Variants in ARID1B observed in about 807,000 individuals in gnomAD.
ARID1B encodes the protein AT-rich interaction domain 1B.
A neutral mutation model predicts 212.3 loss-of-function variants in ARID1B; 30 were observed. That is an observed-to-expected ratio of 0.14 (90% CI 0.11 to 0.19). ARID1B has a LOEUF of 0.19. Ranked by LOEUF, ARID1B falls within the 10% of genes least tolerant of loss-of-function variation. The probability of loss-of-function intolerance (pLI) is 1.00; values close to 1 mark genes in which losing one functional copy is unlikely to be tolerated. For missense variants in ARID1B, 2,891 were observed against 3,204.0 expected (o/e 0.90, Z 2.36); for synonymous variants, 1,402 against 1,301.7 (o/e 1.08, Z -1.66).
intron 3 of ARID1B, among the ~76,000 whole-genome samples, chr6:156,933,551 T>G (rs1791926069): frequency 6.6e-6 from 1 of 152,200 alleles, no homozygotes; most frequent in South Asian, 2.1e-4. Flanking sequence ...CAGCCTTTGC[T>G]TTTGTGCCCC....
intron 1 of ARID1B, among the ~76,000 whole-genome samples, chr6:156,800,627 C>T (rs1264652023): frequency 2.0e-5 from 3 of 152,032 alleles, no homozygotes; most frequent in African/African-American, 7.2e-5. Flanking sequence ...TAAAATTAGG[C>T]TGGGCATGGT....
At chr6:156,840,526 G>A (rs1222757300) in intron 2 of ARID1B, among the ~76,000 whole-genome samples, 1 of 152,198 alleles carries the variant, frequency 6.6e-6, no homozygotes, top group Non-Finnish European at 1.5e-5. Context: ...TCTGGCCAGT[G>A]AAATCTGTCC....
intron 2 of ARID1B, among the ~76,000 whole-genome samples, chr6:156,887,295 T>C (rs1787591630): frequency 6.6e-6 from 1 of 152,158 alleles, no homozygotes; most frequent in South Asian, 2.1e-4. Flanking sequence ...GTTCATGGAT[T>C]CTGCAGTTGA....
chr6:157,164,977 G>A (rs1562316311), intron 8 of ARID1B, among the ~76,000 whole-genome samples: 1 of 152,188 alleles, frequency 6.6e-6, no homozygotes, highest in Non-Finnish European at 1.5e-5. Context: ...CTAAGACACT[G>A]AGAGCAGTCC....
chr6:156,825,683 C>T (rs1782691981), intron 1 of ARID1B, among the ~76,000 whole-genome samples: 1 of 152,194 alleles, frequency 6.6e-6, no homozygotes, highest in Non-Finnish European at 1.5e-5. Flanking sequence ...TAGACGTTTC[C>T]TGTGCCCTGG....
chr6:157,070,866 T>G (rs1028191799), intron 4 of ARID1B, among the ~76,000 whole-genome samples: 1 of 152,168 alleles, frequency 6.6e-6, no homozygotes, highest in African/African-American at 2.4e-5. Context: ...AAGGCAATCC[T>G]GCTGGGTTTA....
chr6:156,814,936 G>A (rs1781858557), intron 1 of ARID1B, among the ~76,000 whole-genome samples: 1 of 151,992 alleles, frequency 6.6e-6, no homozygotes, highest in African/African-American at 2.4e-5. Context: ...TTTAGGTGAA[G>A]ACCCATCAAT....
intron 1 of ARID1B, among the ~76,000 whole-genome samples, chr6:156,813,689 A>G (rs931448909): frequency 6.6e-6 from 1 of 152,184 alleles, no homozygotes; most frequent in Non-Finnish European, 1.5e-5. Context: ...AATTTGTCGA[A>G]CCCTGTTCTC....
intron 16 of ARID1B, 87 bp from the exon 17 acceptor site, chr6:157,198,724 A>T: frequency 8.8e-7 from 1 of 1,138,638 alleles, no homozygotes; most frequent in Non-Finnish European, 1.3e-6. Flanking sequence ...TGCTTGAGGG[A>T]GTCAGGGTTC....
chr6:157,201,558 A>T lies in ARID1B; in HGVS notation c.5263+70A>T. On this transcript the variant is annotated intron_variant, in intron 18 of 19. Coordinates refer to ENST00000636930, the MANE Select transcript of ARID1B (RefSeq NM_001374828.1). The surrounding 1 kb of genome is among the most constrained non-coding windows in gnomAD (Gnocchi z 5.2). ...GTGTAGAATTTTAATTTTAGTAAAG[A>T]TGCTGTTCCTGCTCATCTTAAAGGG... The T allele has an allele frequency of 6.9e-7, 1 of 1,453,468 alleles. No homozygotes were observed. The highest frequency in any genetic ancestry group is 9.1e-7 in the Non-Finnish European group (1 of 1,094,910). The allele number at this position is 1,453,468 out of a possible 1,614,324, so 90.0% of individuals were successfully genotyped here. A position where few individuals can be genotyped will look rare whatever the true frequency, so the allele number is the denominator to read the frequency against.
chr6:156,843,532 A>T (rs1160162955), intron 2 of ARID1B, among the ~76,000 whole-genome samples: 1 of 152,044 alleles, frequency 6.6e-6, no homozygotes, highest in East Asian at 1.9e-4. Flanking sequence ...ACAGGTAGGG[A>T]TGTTTACCCT....
At chr6:156,852,713 A>G (rs1287271065) in intron 2 of ARID1B, among the ~76,000 whole-genome samples, 1 of 152,172 alleles carries the variant, frequency 6.6e-6, no homozygotes, top group Non-Finnish European at 1.5e-5. Flanking sequence ...TTAATAGCTA[A>G]TGACTTGTAT....
At chr6:156,809,713 GAAAAAAA>G (rs370188789) in intron 1 of ARID1B, among the ~76,000 whole-genome samples, 3 of 104,462 alleles carry the variant, frequency 2.9e-5, no homozygotes, top group Admixed American at 2.1e-4. Context: ...CTTTTTCAAA[GAAAAAAA>G]AAAAAAAAAA....
chr6:156,778,040 C>T lies in ARID1B; in HGVS notation c.360C>T (p.Ser120=), dbSNP rs1331150776. The T allele has an allele frequency of 6.5e-6, 10 of 1,535,592 alleles. No individual in the cohort carries two copies. The East Asian group carries it at 2.0e-4, about 30-fold the overall frequency. Reference sequence around the variant, plus strand: ...GAAGCGCCGCCGCGCTGTCCTCCTCCTCCTCCTCCTCCGCGGCGGCAGCGG... The same window carrying T: ...GAAGCGCCGCCGCGCTGTCCTCCTCTTCCTCCTCCTCCGCGGCGGCAGCGG... ...EGGSAAALSS[S]SSSSAAAAAA... is the part of the protein sequence containing the mutation. Residue 120 remains serine, a synonymous_variant, in exon 1 of 20, where the codon TCC becomes TCT. Coordinates refer to ENST00000636930, the MANE Select transcript of ARID1B (RefSeq NM_001374828.1).
intron 2 of ARID1B, among the ~76,000 whole-genome samples, chr6:156,834,471 T>TA (rs1783365758): frequency 6.6e-6 from 1 of 152,186 alleles, no homozygotes; most frequent in African/African-American, 2.4e-5. Flanking sequence ...CACATGTGTG[T>TA]AAAAAACAGA....
At chr6:157,179,182 G>C (rs1284275934) in intron 11 of ARID1B, among the ~76,000 whole-genome samples, 1 of 151,714 alleles carries the variant, frequency 6.6e-6, no homozygotes, top group East Asian at 1.9e-4. Flanking sequence ...CCCCAAAGAA[G>C]AAAAAAACTC....
chr6:156,897,209 GCTGCTGCTGCTTCTT>G (rs1180330139), intron 2 of ARID1B, among the ~76,000 whole-genome samples: 7 of 73,050 alleles, frequency 9.6e-5, no homozygotes, highest in African/African-American at 2.8e-4. Context: ...TGCTGCTGCT[GCTGCTGCTGCTTCTT>G]CTTCTTCTTC....
chr6:157,026,937 TTAGG>T, intron 4 of ARID1B, among the ~76,000 whole-genome samples: 1 of 152,330 alleles, frequency 6.6e-6, no homozygotes. Context: ...GTGTCCTGTA[TTAGG>T]TAGCCTCAGT....
At chr6:157,025,730 G>T (rs957345840) in intron 4 of ARID1B, among the ~76,000 whole-genome samples, 2 of 152,088 alleles carry the variant, frequency 1.3e-5, no homozygotes, top group African/African-American at 4.8e-5. Flanking sequence ...TATTTGGATT[G>T]TTTTCAGTTT....
Sources: allele counts gnomAD v4.1 joint callset (sites outside exome capture counted in the v4.1 genomes callset), GRCh38; gene constraint gnomAD v4.1.1; non-coding constraint Gnocchi (gnomAD v3.1); transcripts MANE v1.5; gene names NCBI Gene and HGNC (gene_info 2026-07-23, HGNC 2026-07-21).